The following LGR4 variants were observed in gnomAD, a reference collection of about 807,000 sequenced individuals.
LGR4 encodes leucine rich repeat containing G protein-coupled receptor 4, also known as leucine-rich repeat-containing G protein-coupled receptor 4.
LGR4 carries 44 observed loss-of-function variants against 84.8 expected under a neutral mutation model. The ratio of observed to expected loss-of-function variants is 0.52; its 90% CI spans 0.41 to 0.67. The LOEUF is 0.67. Among genes scored for constraint, LGR4 ranks in the 30% least tolerant of loss-of-function variants. LGR4 has a pLI of 0.00. For synonymous variants in LGR4, 429 were observed against 434.3 expected (o/e 0.99, Z 0.15); for missense variants, 1,032 against 1,131.4 (o/e 0.91, Z 1.26).
intron 15 of LGR4, 120 bp from the exon 16 acceptor site, chr11:27,372,518 G>A: frequency 3.2e-6 from 2 of 624,558 alleles, no homozygotes; most frequent in Non-Finnish European, 2.8e-6. Flanking sequence ...TCTGTCATGT[G>A]CTTTAGGCTG....
chr11:27,461,934 A>G (rs1340653172), intron 1 of LGR4, among the ~76,000 whole-genome samples: 2 of 147,254 alleles, frequency 1.4e-5, no homozygotes, highest in African/African-American at 5.0e-5. Flanking sequence ...GATTCAGGCA[A>G]TTCTCCTGCC....
intron 1 of LGR4, among the ~76,000 whole-genome samples, chr11:27,416,933 C>A (rs1277240938): frequency 6.6e-6 from 1 of 152,246 alleles, no homozygotes; most frequent in East Asian, 1.9e-4. Flanking sequence ...CAACAAGGTA[C>A]CTTTTAAGAT....
At chr11:27,410,508 TC>T (rs1863689292) in intron 2 of LGR4, among the ~76,000 whole-genome samples, 2 of 152,098 alleles carry the variant, frequency 1.3e-5, no homozygotes, top group Admixed American at 1.3e-4. Context: ...TCCAGATGAC[TC>T]CTAGACAAAC....
chr11:27,397,510 T>G lies in LGR4; in HGVS notation c.258-4992A>C, dbSNP rs191445481. Among the ~76,000 whole-genome samples, 3 of 152,356 alleles carry G rather than the reference T, an allele frequency of 2.0e-5. No homozygotes were observed. In the East Asian group the frequency reaches 5.8e-4, roughly 29 times the overall value. On this transcript the variant is annotated intron_variant, in intron 2 of 17. Coordinates refer to ENST00000379214, the MANE Select transcript of LGR4 (RefSeq NM_018490.5). ...TCCGCTAAGCCCCATTGTAAGACTCTGGATTTGCAAAGCTAATATTACTAC... is the reference window on the plus strand; with the variant it reads ...TCCGCTAAGCCCCATTGTAAGACTCGGGATTTGCAAAGCTAATATTACTAC...
intron 1 of LGR4, among the ~76,000 whole-genome samples, chr11:27,455,859 T>C (rs1373419544): frequency 6.6e-6 from 1 of 152,188 alleles, no homozygotes; most frequent in Non-Finnish European, 1.5e-5. Context: ...AAGTCCTCAC[T>C]TGCCATGGTT....
intron 17 of LGR4, among the ~76,000 whole-genome samples, chr11:27,371,003 G>A (rs773679933): frequency 5.3e-5 from 8 of 152,158 alleles, no homozygotes; most frequent in Non-Finnish European, 1.2e-4. Context: ...GCAATCACTA[G>A]TGAATCCATA....
intron 1 of LGR4, among the ~76,000 whole-genome samples, chr11:27,439,430 T>C (rs967916217): frequency 5.3e-5 from 8 of 152,236 alleles, no homozygotes; most frequent in African/African-American, 1.9e-4. Flanking sequence ...TAATATTCTA[T>C]TGTATGTGTG....
intron 2 of LGR4, among the ~76,000 whole-genome samples, chr11:27,411,232 T>C (rs1303092187): frequency 1.3e-5 from 2 of 152,052 alleles, no homozygotes; most frequent in African/African-American, 4.8e-5. Flanking sequence ...AGTCTAAAAT[T>C]GTATGTGAAA....
At chr11:27,468,198 T>G (rs1021615645) in intron 1 of LGR4, among the ~76,000 whole-genome samples, 6 of 152,206 alleles carry the variant, frequency 3.9e-5, no homozygotes, top group Admixed American at 2.0e-4. Flanking sequence ...TTCAGGTAAC[T>G]CAATTCTAAA....
intron 17 of LGR4, among the ~76,000 whole-genome samples, chr11:27,370,582 C>T (rs1862862916): frequency 6.6e-6 from 1 of 152,196 alleles, no homozygotes; most frequent in African/African-American, 2.4e-5. Flanking sequence ...GTTACTACAG[C>T]TGAGTAGGGG....
Position 27,372,300 on chromosome 11 carries a change from C to T in LGR4, c.1478G>A (p.Ser493Asn), listed in dbSNP as rs763366518. 2 of 1,609,642 alleles carry T rather than the reference C, an allele frequency of 1.2e-6. No individual in the cohort carries two copies. Among genetic ancestry groups the T allele is most frequent in the Non-Finnish European group, 1.7e-6 (2 of 1,175,998 alleles). Reference sequence around the variant, plus strand: ...GCACTTGCCTTTCTCCTGTGCCACACTGTGGTCCTGGAGGCTGTTATCTTC... The same window carrying T: ...GCACTTGCCTTTCTCCTGTGCCACATTGTGGTCCTGGAGGCTGTTATCTTC... ...NTEDNSLQDH[S>N]VAQEKGTADA... The change falls in exon 16 of 18, where the codon AGT becomes AAT. Residue 493 changes from serine to asparagine, a missense_variant. By Grantham distance (46) the Ser-to-Asn change is conservative. Coordinates refer to ENST00000379214, the MANE Select transcript of LGR4 (RefSeq NM_018490.5).
chr11:27,435,465 T>C (rs1008429489), intron 1 of LGR4, among the ~76,000 whole-genome samples: 2 of 151,996 alleles, frequency 1.3e-5, no homozygotes, highest in Admixed American at 1.3e-4. Flanking sequence ...TTTGACCAAG[T>C]GCCTCTTCTG....
At chr11:27,450,516 C>T (rs1175759622) in intron 1 of LGR4, among the ~76,000 whole-genome samples, 1 of 152,150 alleles carries the variant, frequency 6.6e-6, no homozygotes, top group African/African-American at 2.4e-5. Context: ...AGGCCAGGCA[C>T]GGTGGCTCAC....
At chr11:27,445,951 T>G (rs183157636) in intron 1 of LGR4, among the ~76,000 whole-genome samples, 2 of 152,116 alleles carry the variant, frequency 1.3e-5, no homozygotes, top group Admixed American at 1.3e-4. Context: ...GCAAGTTAAT[T>G]AATAAAATGT....
chr11:27,450,346 C>G (rs552755411), intron 1 of LGR4, among the ~76,000 whole-genome samples: 1 of 152,334 alleles, frequency 6.6e-6, no homozygotes, highest in East Asian at 1.9e-4. Context: ...TTCAACTCCT[C>G]CTGGCAGAAT....
rs754232989 is a variant in LGR4 at position 27,371,585 on chromosome 11, G to A, written c.1579+30C>T. 8 of 1,462,610 alleles carry A rather than the reference G, an allele frequency of 5.5e-6. No homozygotes were observed. The East Asian group carries it at 9.1e-5, about 17-fold the overall frequency. The allele number at this position is 1,462,610 out of a possible 1,614,324, so 90.6% of individuals were successfully genotyped here. A position where few individuals can be genotyped will look rare whatever the true frequency, so the allele number is the denominator to read the frequency against. On this transcript the variant is annotated intron_variant, in intron 17 of 17. Transcript: ENST00000379214. ...ATTTGCCTAATGTTTGTTTAACATGGGTAACTGTGAAAAAATAGGCCAGGC... is the reference window on the plus strand; with the variant it reads ...ATTTGCCTAATGTTTGTTTAACATGAGTAACTGTGAAAAAATAGGCCAGGC...
chr11:27,382,200 C>A lies in LGR4; in HGVS notation c.746G>T (p.Ser249Ile). 1 of 1,606,030 alleles carries A rather than the reference C, an allele frequency of 6.2e-7. No individual in the cohort carries two copies. Among genetic ancestry groups the A allele is most frequent in the East Asian group, 2.2e-5 (1 of 44,736 alleles). The change falls in exon 7 of 18, where the codon AGC (serine) becomes ATC (isoleucine). Residue 249 changes from serine to isoleucine, a missense_variant. Physicochemically the swap from Ser to Ile is moderately radical, Grantham distance 142. Transcript: ENST00000379214. The stretch of plus-strand genomic sequence containing the variant: ...AAGCAATACTCACAGCTCTTTAAGG[C>A]TAGGAAGGGCTTTAATAGCCTGAGG... Reference protein sequence around the residue: ...EFPQAIKALPSLKELGFHSNS... With the variant: ...EFPQAIKALPILKELGFHSNS...
chr11:27,429,409 G>A (rs1232277905), intron 1 of LGR4, among the ~76,000 whole-genome samples: 2 of 151,948 alleles, frequency 1.3e-5, no homozygotes, highest in African/African-American at 2.4e-5. Context: ...CACGAACCCT[G>A]GAGGCGGAGG....
rs1040269639 is a variant in LGR4 at position 27,472,781 on chromosome 11, T to C, written c.-479A>G. The C allele has an allele frequency of 4.6e-5, 15 of 326,414 alleles. No homozygotes were observed. The highest frequency in any genetic ancestry group is 7.8e-5 in the Non-Finnish European group (14 of 180,332). The allele number at this position is 326,414 out of a possible 1,614,324, so 20.2% of individuals were successfully genotyped here. ...TTCCCGTCCTTTTCCCTTCTAGGGT[T>C]GCACGCTCTGGTTCCCAAACCCCCG... On this transcript the variant is annotated 5_prime_UTR_variant, in exon 1 of 18. Transcript: ENST00000379214.
Sources: gnomAD v4.1 joint callset for allele counts (sites outside exome capture counted in the v4.1 genomes callset) on GRCh38, gnomAD v4.1.1 for gene constraint, MANE v1.5 for transcripts, NCBI Gene and HGNC (gene_info 2026-07-23, HGNC 2026-07-21) for gene names.